Variants in PTPRD observed in about 807,000 individuals in gnomAD.
PTPRD encodes protein tyrosine phosphatase receptor type D.
A neutral mutation model predicts 214.5 loss-of-function variants in PTPRD; 34 were observed. The observed-to-expected ratio is 0.16, with a 90% CI of 0.12 to 0.21. PTPRD has a LOEUF of 0.21. Among genes scored for constraint, PTPRD ranks in the 10% least tolerant of loss-of-function variants. The pLI is 1.00. For synonymous variants in PTPRD, 1,128 were observed against 845.7 expected (o/e 1.33, Z -5.79); for missense variants, 2,545 against 2,398.7 (o/e 1.06, Z -1.27).
At chr9:8,941,840 T>C (rs976581961) in intron 11 of PTPRD, among the ~76,000 whole-genome samples, 2 of 152,162 alleles carry the variant, frequency 1.3e-5, no homozygotes, top group Admixed American at 6.5e-5. Context: ...AGTTACACTC[T>C]TTTTGCCTAG....
intron 3 of PTPRD, among the ~76,000 whole-genome samples, chr9:10,071,023 T>C (rs562102352): frequency 1.5e-4 from 23 of 152,130 alleles, no homozygotes; most frequent in African/African-American, 4.6e-4. Context: ...ATTATGATAG[T>C]ACAAAAATCA....
At chr9:10,526,476 A>G (rs2054324646) in intron 2 of PTPRD, among the ~76,000 whole-genome samples, 2 of 152,070 alleles carry the variant, frequency 1.3e-5, no homozygotes, top group Admixed American at 1.3e-4. Context: ...TAAATAAGTA[A>G]AAGGATGTAC....
intron 12 of PTPRD, among the ~76,000 whole-genome samples, chr9:8,653,424 T>C (rs530197405): frequency 6.6e-6 from 1 of 152,154 alleles, no homozygotes; most frequent in African/African-American, 2.4e-5. Context: ...AGGGTCAATA[T>C]AAAGGTTCTG....
chr9:9,037,059 A>G (rs1261873186), intron 10 of PTPRD, among the ~76,000 whole-genome samples: 1 of 152,178 alleles, frequency 6.6e-6, no homozygotes, highest in African/African-American at 2.4e-5. Context: ...TTTCATCTAC[A>G]CAATGGTATG....
intron 2 of PTPRD, among the ~76,000 whole-genome samples, chr9:10,409,136 T>C (rs756636543): frequency 3.4e-4 from 52 of 151,722 alleles, no homozygotes; most frequent in Non-Finnish European, 5.5e-4. Context: ...GTAACATAAA[T>C]ATATGTGGGC....
intron 8 of PTPRD, among the ~76,000 whole-genome samples, chr9:9,565,501 A>G (rs1348240252): frequency 2.6e-5 from 4 of 151,958 alleles, no homozygotes; most frequent in Non-Finnish European, 4.4e-5. Flanking sequence ...CAGAATGATG[A>G]TGGATTTCTG....
chr9:9,854,030 A>G (rs1399723101), intron 5 of PTPRD, among the ~76,000 whole-genome samples: 1 of 152,204 alleles, frequency 6.6e-6, no homozygotes, highest in African/African-American at 2.4e-5. Context: ...TCTTCTAGCT[A>G]GTTAAAAATA....
At chr9:8,456,602 G>A (rs1181309365) in intron 33 of PTPRD, among the ~76,000 whole-genome samples, 1 of 152,070 alleles carries the variant, frequency 6.6e-6, no homozygotes, top group Non-Finnish European at 1.5e-5. Flanking sequence ...CCTTGATGAG[G>A]GCTTGGAACT....
intron 3 of PTPRD, among the ~76,000 whole-genome samples, chr9:10,227,287 A>G (rs1338999009): frequency 6.6e-6 from 1 of 152,038 alleles, no homozygotes; most frequent in Non-Finnish European, 1.5e-5. Flanking sequence ...GTCATGAATT[A>G]TAACTTCTAC....
In PTPRD at chr9:9,264,290, T is replaced by C. The variant is rs80048906; in HGVS notation, c.-202-80927A>G. The stretch of plus-strand genomic sequence containing the variant: ...TTGCTGAGTTATAACAGAACACAGA[T>C]AAACAACTCAACAAGACCGAAGTTT... On this transcript the variant is annotated intron_variant, in intron 9 of 45. Transcript: ENST00000381196. 5.5e-4 allele frequency among the ~76,000 whole-genome samples: 84 copies of C among 151,614 alleles called. No homozygotes were observed. The East Asian group carries it at 0.017, about 30-fold the overall frequency.
intron 5 of PTPRD, among the ~76,000 whole-genome samples, chr9:9,804,628 A>G (rs1003453183): frequency 6.6e-6 from 1 of 152,064 alleles, no homozygotes; most frequent in Admixed American, 6.6e-5. Context: ...CATACATAAA[A>G]TTTTAAATTA....
At chr9:10,016,308 T>C (rs2096710985) in intron 4 of PTPRD, among the ~76,000 whole-genome samples, 2 of 152,218 alleles carry the variant, frequency 1.3e-5, no homozygotes, top group African/African-American at 2.4e-5. Context: ...ACTATTTGAA[T>C]AAAGTAGCCA....
At chr9:8,725,647 A>C (rs1439520143) in intron 12 of PTPRD, among the ~76,000 whole-genome samples, 1 of 152,238 alleles carries the variant, frequency 6.6e-6, no homozygotes, top group Non-Finnish European at 1.5e-5. Flanking sequence ...CATTTAGTGA[A>C]TATTTAATCC....
chr9:8,463,995 A>C (rs2096486756), intron 32 of PTPRD, among the ~76,000 whole-genome samples: 1 of 151,972 alleles, frequency 6.6e-6, no homozygotes, highest in Non-Finnish European at 1.5e-5. Flanking sequence ...TGATAGAATA[A>C]AGGGGCAACT....
At chr9:10,025,627 C>A (rs79686001) in intron 4 of PTPRD, among the ~76,000 whole-genome samples, 4,333 of 152,190 alleles carry the variant, frequency 0.028, 123 homozygotes, top group Admixed American at 0.089. Context: ...AAATACGATG[C>A]AAATTTTAGA....
chr9:8,641,162 G>A (rs2154334718), intron 12 of PTPRD, among the ~76,000 whole-genome samples: 1 of 148,410 alleles, frequency 6.7e-6, no homozygotes, highest in South Asian at 2.1e-4. Context: ...CTCTGAAGAT[G>A]GGAAGAAAGG....
intron 3 of PTPRD, among the ~76,000 whole-genome samples, chr9:10,174,205 C>T (rs2099231127): frequency 6.6e-6 from 1 of 152,084 alleles, no homozygotes; most frequent in Non-Finnish European, 1.5e-5. Context: ...AATTTGATCC[C>T]AATGTTGGAG....
intron 9 of PTPRD, among the ~76,000 whole-genome samples, chr9:9,230,576 G>T (rs998831215): frequency 6.6e-6 from 1 of 152,060 alleles, no homozygotes; most frequent in Non-Finnish European, 1.5e-5. Flanking sequence ...GTGATACTAA[G>T]CCTTCTAATT....
intron 4 of PTPRD, among the ~76,000 whole-genome samples, chr9:9,961,059 AATGCTCATCATCACTGGACACCAT>A (rs149663633): frequency 0.25 from 38,147 of 151,992 alleles, 5,789 homozygotes; most frequent in East Asian, 0.55. Flanking sequence ...CACATGAAAA[AATGCTCATCATCACTGGACACCAT>A]ATCTCCTTTC....
Sources: allele counts gnomAD v4.1 joint callset (sites outside exome capture counted in the v4.1 genomes callset), GRCh38; gene constraint gnomAD v4.1.1; transcripts MANE v1.5; gene names NCBI Gene and HGNC (gene_info 2026-07-23, HGNC 2026-07-21).